Variants in MAST2 observed in about 807,000 individuals in gnomAD.
The protein encoded by MAST2 is microtubule-associated serine/threonine-protein kinase 2.
Under a neutral mutation model 147.4 loss-of-function variants are expected in MAST2, and 70 were observed. The observed-to-expected ratio is 0.47, with a 90% CI of 0.39 to 0.58. The LOEUF is 0.58. Among genes scored for constraint, MAST2 ranks in the 20% least tolerant of loss-of-function variants. MAST2 has a pLI of 0.00. For missense variants in MAST2, 2,080 were observed against 2,302.3 expected (o/e 0.90, Z 1.98); for synonymous variants, 869 against 896.8 (o/e 0.97, Z 0.55).
intron 3 of MAST2, among the ~76,000 whole-genome samples, chr1:45,851,737 T>C (rs1376219480): frequency 1.3e-5 from 2 of 152,076 alleles, no homozygotes; most frequent in African/African-American, 4.8e-5. Context: ...TTTTTTCTGC[T>C]TGACCTAATA....
intron 5 of MAST2, among the ~76,000 whole-genome samples, chr1:45,964,862 A>C (rs1660944720): frequency 6.6e-6 from 1 of 152,180 alleles, no homozygotes; most frequent in Non-Finnish European, 1.5e-5. Context: ...ATTTAGTGCT[A>C]TAAATTTCCC....
chr1:45,923,693 T>A (rs1172982521), intron 4 of MAST2, among the ~76,000 whole-genome samples: 1 of 152,192 alleles, frequency 6.6e-6, no homozygotes, highest in Admixed American at 6.5e-5. Flanking sequence ...TCTGAGATAT[T>A]TTCATTATGT....
chr1:45,968,046 C>T (rs1643679329), intron 5 of MAST2, among the ~76,000 whole-genome samples: 1 of 152,192 alleles, frequency 6.6e-6, no homozygotes, highest in Admixed American at 6.5e-5. Flanking sequence ...CCAACATGAA[C>T]CTCACAGGAA....
chr1:45,989,538 C>T (rs968753804), intron 5 of MAST2, among the ~76,000 whole-genome samples: 8 of 152,034 alleles, frequency 5.3e-5, no homozygotes, highest in South Asian at 4.1e-4. Context: ...CTCTGGGATC[C>T]TCTGATCTCA....
At chr1:45,923,090 G>A (rs913825616) in intron 4 of MAST2, among the ~76,000 whole-genome samples, 2 of 152,110 alleles carry the variant, frequency 1.3e-5, no homozygotes, top group Admixed American at 6.5e-5. Context: ...GTGCAAGCAC[G>A]GGACCACCCT....
At chr1:45,816,412 C>T (rs11211194) in intron 1 of MAST2, among the ~76,000 whole-genome samples, 50,975 of 151,916 alleles carry the variant, frequency 0.34, 8,914 homozygotes, top group African/African-American at 0.42. Flanking sequence ...AAACAAACTA[C>T]GTAAGGCACC....
At position 45,803,636 on chromosome 1, in the gene MAST2, C is replaced by T. The variant is rs1644052572; in HGVS notation, c.-260C>T. 1 of 250,546 alleles carries T rather than the reference C, an allele frequency of 4.0e-6. No homozygotes were observed. The highest frequency in any genetic ancestry group is 7.5e-6 in the Non-Finnish European group (1 of 132,758). The allele number at this position is 250,546 out of a possible 1,614,324, so 15.5% of individuals were successfully genotyped here. On this transcript the variant is annotated 5_prime_UTR_variant, in exon 1 of 29. Coordinates refer to ENST00000361297, the MANE Select transcript of MAST2 (RefSeq NM_015112.3). ...TGTAGGCAGGCGGCTGAGCCGGCGG[C>T]GGGTGGCCTGCCCAACGTGTGCTGG...
chr1:45,948,708 A>C, intron 4 of MAST2, among the ~76,000 whole-genome samples: 1 of 33,890 alleles, frequency 3.0e-5, no homozygotes, highest in African/African-American at 8.2e-5. Flanking sequence ...CTCCATCTCA[A>C]AAAAAAAAAA....
intron 4 of MAST2, among the ~76,000 whole-genome samples, chr1:45,917,020 G>A (rs576079212): frequency 1.3e-5 from 2 of 152,234 alleles, no homozygotes; most frequent in African/African-American, 4.8e-5. Flanking sequence ...AGAGGTTGCA[G>A]TGAGCCAAGA....
chr1:46,001,048 ATGT>A, intron 6 of MAST2: 1 of 1,207,874 alleles, frequency 8.3e-7, no homozygotes, highest in Non-Finnish European at 1.1e-6. Flanking sequence ...ATGGTTTGTG[ATGT>A]TGTGGTTGGT....
rs115006322 is a variant in MAST2 at position 46,033,128 on chromosome 1, G to A, written c.3537+410G>A. On this transcript the variant is annotated intron_variant, in intron 26 of 28. Coordinates refer to ENST00000361297, the MANE Select transcript of MAST2 (RefSeq NM_015112.3). ...ACTCTACTAAAAATAACAAAAATTA[G>A]CCAAGCGTGGTGGTAGGCACTTGTA... Among the ~76,000 whole-genome samples, 445 of 152,224 alleles carry A rather than the reference G, an allele frequency of 2.9e-3. 2 individuals carry two copies. Among genetic ancestry groups the A allele is most frequent in the East Asian group, 0.02 (103 of 5,162 alleles).
intron 4 of MAST2, among the ~76,000 whole-genome samples, chr1:45,917,730 G>T (rs1652796314): frequency 6.6e-6 from 1 of 152,146 alleles, no homozygotes; most frequent in Admixed American, 6.5e-5. Context: ...TCAGTACTTG[G>T]ATTTTTGAGG....
Position 45,997,815 on chromosome 1 carries a change from A to ACCT in MAST2, c.668+21_668+23dup. 1 of 1,610,660 alleles carries ACCT rather than the reference A, an allele frequency of 6.2e-7. No homozygotes were observed. The highest frequency in any genetic ancestry group is 8.5e-7 in the Non-Finnish European group (1 of 1,177,036). Reference sequence around the variant, plus strand: ...CTGCCCGTAGGTAAGTTGATAGGAAACCTCCTCTGGGACCAGCACATGTGG... The same window carrying ACCT: ...CTGCCCGTAGGTAAGTTGATAGGAAACCTCCTCCTCTGGGACCAGCACATGTGG... On this transcript the variant is annotated intron_variant, in intron 6 of 28. Coordinates refer to ENST00000361297, the MANE Select transcript of MAST2 (RefSeq NM_015112.3).
In MAST2 at chr1:46,035,144, T is replaced by A. The variant is rs753510060; in HGVS notation, c.4475T>A (p.Leu1492Gln). 6.2e-7 allele frequency: 1 copy of A among 1,613,696 alleles called. No homozygotes were observed. The change falls in exon 29 of 29, where the codon CTG becomes CAG. Residue 1492 changes from leucine (L) to glutamine (Q), a missense_variant. Leu to Gln is a moderately radical substitution (Grantham distance 113). Transcript: ENST00000361297. The surrounding 1 kb of genome is among the most constrained non-coding windows in gnomAD (Gnocchi z 5.5). ...RQDRAERRES[L>Q]QKQEAIREVD... ...GACCGAGCCGAACGACGGGAGTCGC[T>A]GCAGAAGCAAGAAGCCATTCGTGAG...
intron 5 of MAST2, among the ~76,000 whole-genome samples, chr1:45,970,317 A>G (rs941174103): frequency 6.6e-6 from 1 of 151,950 alleles, no homozygotes; most frequent in Non-Finnish European, 1.5e-5. Flanking sequence ...TTCCTCAGTT[A>G]CAGTTCAGGT....
At chr1:45,938,159 A>G (rs936756058) in intron 4 of MAST2, among the ~76,000 whole-genome samples, 2 of 152,288 alleles carry the variant, frequency 1.3e-5, no homozygotes, top group East Asian at 3.9e-4. Flanking sequence ...TGGATAGACC[A>G]TATTTTGTTA....
chr1:46,011,207 G>C, intron 10 of MAST2: 2 of 444,900 alleles, frequency 4.5e-6, no homozygotes, highest in South Asian at 5.0e-5. Flanking sequence ...GCTCCACCAT[G>C]GGTAGTAGTC....
At chr1:45,994,795 G>C (rs950400395) in intron 5 of MAST2, among the ~76,000 whole-genome samples, 5 of 151,804 alleles carry the variant, frequency 3.3e-5, no homozygotes, top group Non-Finnish European at 7.4e-5. Flanking sequence ...ACAACAGCTG[G>C]GTCTAGAATT....
Position 45,959,443 on chromosome 1 carries a change from A to T in MAST2, c.558A>T (p.Leu186=). 6.2e-7 allele frequency: 1 copy of T among 1,613,768 alleles called. No homozygotes were observed. Among genetic ancestry groups the T allele is most frequent in the Non-Finnish European group, 8.5e-7 (1 of 1,179,818 alleles). The change falls in exon 5 of 29, where the codon CTA becomes CTT. Residue 186 remains leucine (L), a synonymous_variant. Coordinates refer to ENST00000361297, the MANE Select transcript of MAST2 (RefSeq NM_015112.3). ...TGACCTCTAGCACATCACCTACACT[A>T]CCACGGCCACACTCACCACTCCATG... The part of the protein sequence containing the change: ...LIVTSSTSPT[L]PRPHSPLHGH...
Sources: allele counts gnomAD v4.1 joint callset (sites outside exome capture counted in the v4.1 genomes callset), GRCh38; gene constraint gnomAD v4.1.1; non-coding constraint Gnocchi (gnomAD v3.1); transcripts MANE v1.5; gene names NCBI Gene and HGNC (gene_info 2026-07-23, HGNC 2026-07-21).